BCHE: variants seen among roughly 807,000 people sequenced by gnomAD.
The protein encoded by BCHE is butyrylcholinesterase, also known as cholinesterase.
In BCHE, 48 loss-of-function variants were observed where a neutral mutation model predicts 51.3. That is an observed-to-expected ratio of 0.94 (90% CI 0.74 to 1.19). The LOEUF (loss-of-function observed/expected upper bound fraction) is 1.19. Among genes scored for constraint, BCHE ranks in the 50% most tolerant of loss-of-function variants. The probability of loss-of-function intolerance (pLI) is 0.00; values close to 1 mark genes in which losing one functional copy is unlikely to be tolerated. For synonymous variants in BCHE, 251 were observed against 238.0 expected, an observed-to-expected ratio of 1.05 and a Z score of -0.50; for missense variants, 847 against 708.2, an observed-to-expected ratio of 1.20 and a Z score of -2.23.
rs993897715 is a variant in BCHE at position 165,798,007 on chromosome 3, A to G, written c.1518-11696T>C. Among the ~76,000 whole-genome samples the G allele has an allele frequency of 5.9e-5, 9 of 152,198 alleles. No individual in the cohort carries two copies. In the South Asian group the frequency reaches 1.2e-3, roughly 21 times the overall value. On this transcript the variant is annotated intron_variant, in intron 2 of 3. Coordinates refer to ENST00000264381, the MANE Select transcript of BCHE (RefSeq NM_000055.4). Reference sequence around the variant, plus strand: ...TCAAAGTTATTGACTTTATATCACTATTCACTGGAGGTCCCAACATTTGAC... The same window carrying G: ...TCAAAGTTATTGACTTTATATCACTGTTCACTGGAGGTCCCAACATTTGAC...
Position 165,833,188 on chromosome 3 carries a change from A to G in BCHE, c.-8-2147T>C, listed in dbSNP as rs79068608. ...GATCAATAAAACATAATTAAAATAT[A>G]TTTTTAGCAGCATTTCTACATTCAT... On this transcript the variant is annotated intron_variant, in intron 1 of 3. Transcript: ENST00000264381. 5.9e-5 allele frequency among the ~76,000 whole-genome samples: 9 copies of G among 152,236 alleles called. No individual in the cohort carries two copies. In the East Asian group the frequency reaches 1.7e-3, roughly 29 times the overall value.
intron 2 of BCHE, among the ~76,000 whole-genome samples, chr3:165,827,628 A>G (rs1170124626): frequency 6.6e-6 from 1 of 152,020 alleles, no homozygotes; most frequent in Non-Finnish European, 1.5e-5. Context: ...AAGTCCTTTG[A>G]AAAGTTTAGG....
At chr3:165,815,826 A>C (rs577504442) in intron 2 of BCHE, among the ~76,000 whole-genome samples, 48 of 152,178 alleles carry the variant, frequency 3.2e-4, no homozygotes, top group Admixed American at 6.6e-4. Context: ...GGACACACAG[A>C]GAGCAGCACG....
chr3:165,787,472 A>G (rs1042355788), intron 2 of BCHE, among the ~76,000 whole-genome samples: 1 of 151,782 alleles, frequency 6.6e-6, no homozygotes, highest in African/African-American at 2.4e-5. Flanking sequence ...AACCGAGTCT[A>G]AAAAAAGGGC....
chr3:165,774,037 C>G (rs1422950683), intron 3 of BCHE, among the ~76,000 whole-genome samples: 2 of 152,012 alleles, frequency 1.3e-5, no homozygotes, highest in African/African-American at 4.8e-5. Flanking sequence ...AATAGCATAA[C>G]ATTTTCACAT....
At position 165,830,550 on chromosome 3, in the gene BCHE, C is replaced by T. The variant is rs755323641; in HGVS notation, c.484G>A (p.Ala162Thr). Residue 162 changes from alanine (A) to threonine (T), a missense_variant, in exon 2 of 4, where the codon GCT (alanine) becomes ACT (threonine). Ala to Thr is a moderately conservative substitution (Grantham distance 58, BLOSUM62 0). Transcript: ENST00000264381. Reference protein sequence around the residue: ...SLHVYDGKFLARVERVIVVSM... With the variant: ...SLHVYDGKFLTRVERVIVVSM... ...ACTACAATAACTCTTTCAACCCGAG[C>T]CAGAAACTTGCCATCATAAACATGT... 11 of 1,613,906 alleles carry T rather than the reference C, an allele frequency of 6.8e-6. No individual in the cohort carries two copies. Among genetic ancestry groups the T allele is most frequent in the Non-Finnish European group, 9.3e-6 (11 of 1,179,922 alleles).
intron 2 of BCHE, among the ~76,000 whole-genome samples, chr3:165,788,310 A>G (rs1279530162): frequency 6.6e-6 from 1 of 152,054 alleles, no homozygotes; most frequent in Non-Finnish European, 1.5e-5. Context: ...AGCTTTAGAG[A>G]CAAACAGTTT....
chr3:165,777,827 C>A (rs1712531784), intron 3 of BCHE: 4 of 441,734 alleles, frequency 9.1e-6, no homozygotes, highest in Non-Finnish European at 1.8e-5. Flanking sequence ...AGTATGAAAA[C>A]CTTTGTGATG....
At chr3:165,828,768 A>G (rs1369123880) in intron 2 of BCHE, among the ~76,000 whole-genome samples, 1 of 152,144 alleles carries the variant, frequency 6.6e-6, no homozygotes, top group African/African-American at 2.4e-5. Flanking sequence ...AGATACACAT[A>G]CATATTTAGA....
chr3:165,773,540 A>AT, intron 3 of BCHE, 34 bp from the exon 4 acceptor site: 2 of 1,569,534 alleles, frequency 1.3e-6, no homozygotes, highest in Non-Finnish European at 1.7e-6. Context: ...ATTAATCAAA[A>AT]TTTTTATCTG....
chr3:165,775,501 C>T (rs543140547), intron 3 of BCHE, among the ~76,000 whole-genome samples: 24 of 151,592 alleles, frequency 1.6e-4, no homozygotes, highest in Admixed American at 1.4e-3. Flanking sequence ...TTAAATCTTA[C>T]TTATATAAAA....
intron 1 of BCHE, among the ~76,000 whole-genome samples, chr3:165,836,126 C>A (rs546836364): frequency 1.3e-5 from 2 of 151,626 alleles, no homozygotes; most frequent in Non-Finnish European, 3.0e-5. Flanking sequence ...AAAACTAGGA[C>A]AATACAAACA....
intron 3 of BCHE, among the ~76,000 whole-genome samples, chr3:165,784,029 T>G (rs1712812033): frequency 6.6e-6 from 1 of 151,946 alleles, no homozygotes; most frequent in African/African-American, 2.4e-5. Flanking sequence ...CTTACAAAGC[T>G]TATTGGGCTT....
At chr3:165,808,545 A>G (rs1042069702) in intron 2 of BCHE, among the ~76,000 whole-genome samples, 4 of 152,178 alleles carry the variant, frequency 2.6e-5, no homozygotes, top group Non-Finnish European at 5.9e-5. Flanking sequence ...ATGTTGTAAG[A>G]TTAAAAATGT....
chr3:165,822,844 T>C (rs1197669832), intron 2 of BCHE, among the ~76,000 whole-genome samples: 1 of 152,128 alleles, frequency 6.6e-6, no homozygotes, highest in Non-Finnish European at 1.5e-5. Flanking sequence ...AAGTTTAATT[T>C]CACCAATTTT....
intron 3 of BCHE, among the ~76,000 whole-genome samples, chr3:165,775,837 A>G (rs138622554): frequency 1.7e-3 from 264 of 152,156 alleles, no homozygotes; most frequent in African/African-American, 6.2e-3. Context: ...AATCCAGAGA[A>G]AGTGAATACA....
At chr3:165,815,911 C>T (rs1385725962) in intron 2 of BCHE, among the ~76,000 whole-genome samples, 2 of 151,856 alleles carry the variant, frequency 1.3e-5, no homozygotes, top group South Asian at 2.1e-4. Flanking sequence ...TATTTTCCCC[C>T]GCTTTCTTGT....
intron 1 of BCHE, among the ~76,000 whole-genome samples, chr3:165,834,581 C>T (rs78232181): frequency 0.053 from 8,073 of 151,640 alleles, 284 homozygotes; most frequent in Non-Finnish European, 0.079. Flanking sequence ...ATCACTTTGC[C>T]CTTTTTATAA....
intron 2 of BCHE, among the ~76,000 whole-genome samples, chr3:165,816,985 T>A (rs1049017973): frequency 6.6e-6 from 1 of 152,082 alleles, no homozygotes; most frequent in East Asian, 1.9e-4. Context: ...AATTAAACAA[T>A]TTAATTTAAA....
Sources: gnomAD v4.1 joint callset for allele counts (sites outside exome capture counted in the v4.1 genomes callset) on GRCh38, gnomAD v4.1.1 for gene constraint, MANE v1.5 for transcripts, NCBI Gene and HGNC (gene_info 2026-07-23, HGNC 2026-07-21) for gene names.